The following SMC5 variants were observed in gnomAD, a reference collection of about 807,000 sequenced individuals.
The protein encoded by SMC5 is structural maintenance of chromosomes 5.
SMC5 carries 88 observed loss-of-function variants against 148.3 expected under a neutral mutation model. That is an observed-to-expected ratio of 0.59 (90% CI 0.50 to 0.71). SMC5 has a LOEUF of 0.71. SMC5 is among the 30% of genes least tolerant of loss of function. The pLI, the probability that SMC5 is intolerant of heterozygous loss-of-function variation, is 0.00. For synonymous variants in SMC5, 421 were observed against 432.8 expected (o/e 0.97, Z 0.34); for missense variants, 1,142 against 1,298.9 (o/e 0.88, Z 1.86).
intron 10 of SMC5, among the ~76,000 whole-genome samples, chr9:70,304,782 T>C (rs1013205050): frequency 6.7e-6 from 1 of 150,196 alleles, no homozygotes; most frequent in Admixed American, 6.6e-5. Context: ...TAGTTACAAA[T>C]AAGCCATAGC....
chr9:70,309,550 G>A (rs1279056401), intron 11 of SMC5, among the ~76,000 whole-genome samples: 1 of 151,864 alleles, frequency 6.6e-6, no homozygotes. Context: ...AGTGTTCCCA[G>A]CATCTTCACC....
chr9:70,279,817 C>CAAAAAAAAA (rs561567100), intron 5 of SMC5, among the ~76,000 whole-genome samples: 1 of 56,612 alleles, frequency 1.8e-5, no homozygotes, highest in Non-Finnish European at 3.7e-5. Context: ...AACTCCGTTT[C>CAAAAAAAAA]AAAAAAAAAA....
At position 70,341,135 on chromosome 9, in the gene SMC5, G is replaced by T. The variant is rs73647465; in HGVS notation, c.2398-3009G>T. Among the ~76,000 whole-genome samples, 1,251 of 152,154 alleles carry T rather than the reference G, an allele frequency of 8.2e-3. 17 individuals are homozygous for T. Among genetic ancestry groups the T allele is most frequent in the African/African-American group, 0.029 (1,206 of 41,506 alleles). The stretch of plus-strand genomic sequence containing the variant: ...CCCACTTCTACCCTTAAAAAGCTCA[G>T]CAAGAATTGTGGTTTTAAAAACAAA... On this transcript the variant is annotated intron_variant, in intron 17 of 24. Coordinates refer to ENST00000361138, the MANE Select transcript of SMC5 (RefSeq NM_015110.4).
intron 11 of SMC5, among the ~76,000 whole-genome samples, chr9:70,312,404 A>G (rs1419522079): frequency 2.6e-5 from 4 of 152,138 alleles, no homozygotes; most frequent in Admixed American, 2.6e-4. Flanking sequence ...ACCTCCCACC[A>G]GGTCCCTCCC....
At position 70,329,760 on chromosome 9, in the gene SMC5, A is replaced by C. The variant is rs984686022; in HGVS notation, c.2397+5617A>C. The stretch of plus-strand genomic sequence containing the variant: ...GCAATGCCCCCACTTCTCTTGTATC[A>C]ATTTTCTGTATTAGTACATTCTCAC... On this transcript the variant is annotated intron_variant, in intron 17 of 24. Coordinates refer to ENST00000361138, the MANE Select transcript of SMC5 (RefSeq NM_015110.4). Among the ~76,000 whole-genome samples the C allele has an allele frequency of 3.9e-5, 6 of 152,252 alleles. No individual in the cohort carries two copies. The East Asian group carries it at 1.2e-3, about 29-fold the overall frequency.
In SMC5 at chr9:70,315,584, A is replaced by G. The variant is rs372573632; in HGVS notation, c.1806+6A>G. 2.8e-5 allele frequency: 44 copies of G among 1,562,718 alleles called. No homozygotes were observed. In the African/African-American group the frequency reaches 5.1e-4, roughly 18 times the overall value. On this transcript the variant is annotated splice_donor_region_variant and intron_variant, in intron 13 of 24. Coordinates refer to ENST00000361138, the MANE Select transcript of SMC5 (RefSeq NM_015110.4). Reference sequence around the variant, plus strand: ...CCAGAGAAAGAATTGAACGGGTAGGAAAGTAGTGAATCATGTACTGAATCA... The same window carrying G: ...CCAGAGAAAGAATTGAACGGGTAGGGAAGTAGTGAATCATGTACTGAATCA...
At chr9:70,336,943 C>T (rs1338566685) in intron 17 of SMC5, among the ~76,000 whole-genome samples, 4 of 152,012 alleles carry the variant, frequency 2.6e-5, no homozygotes, top group East Asian at 1.9e-4. Flanking sequence ...ACAATCATGG[C>T]GGAAGACAAG....
In SMC5 at chr9:70,280,866, A is replaced by C. The variant is rs369776321; in HGVS notation, c.786A>C (p.Leu262Phe). The C allele has an allele frequency of 1.1e-5, 18 of 1,613,996 alleles. No individual in the cohort carries two copies. The highest frequency in any genetic ancestry group is 3.3e-4 in the Middle Eastern group (2 of 6,058). Residue 262 changes from leucine to phenylalanine, a missense_variant, in exon 6 of 25, where the codon TTA becomes TTC. Leu to Phe is a conservative substitution (Grantham distance 22). This residue lies in a region of SMC5 where 9 missense variants were observed against 29.6 expected (regional missense o/e 0.30). Transcript: ENST00000361138. ...ATGAACGGAAGCGACATTTAGATTT[A>C]ATTGAGATGCTTGAAGCAAAAAGGC... ...RFYERKRHLD[L>F]IEMLEAKRPW...
chr9:70,343,188 T>A (rs2036570160), intron 17 of SMC5, among the ~76,000 whole-genome samples: 1 of 151,590 alleles, frequency 6.6e-6, no homozygotes, highest in African/African-American at 2.4e-5. Flanking sequence ...ATAATATTAC[T>A]GTGCAGTGTT....
At chr9:70,315,342 A>T in intron 12 of SMC5, 104 bp from the exon 13 acceptor site, 1 of 667,850 alleles carries the variant, frequency 1.5e-6, no homozygotes. Context: ...GTCATTGTTG[A>T]AATAATGTAT....
At chr9:70,314,505 T>G (rs1441971694) in intron 11 of SMC5, among the ~76,000 whole-genome samples, 1 of 151,988 alleles carries the variant, frequency 6.6e-6, no homozygotes, top group Non-Finnish European at 1.5e-5. Context: ...TTCCCAGACA[T>G]TCTGTTTCAC....
chr9:70,261,274 G>A (rs2034122926), intron 1 of SMC5, among the ~76,000 whole-genome samples: 1 of 152,168 alleles, frequency 6.6e-6, no homozygotes, highest in African/African-American at 2.4e-5. Context: ...AGGGAATGAC[G>A]TGTGTTCTGT....
intron 22 of SMC5, 68 bp from the exon 23 acceptor site, chr9:70,350,046 A>G: frequency 8.4e-7 from 1 of 1,186,980 alleles, no homozygotes; most frequent in East Asian, 2.5e-5. Context: ...AATTCAATCC[A>G]TTTTCAAATA....
chr9:70,344,448 A>G (rs976196943), intron 18 of SMC5, 179 bp downstream of exon 18: 9 of 262,578 alleles, frequency 3.4e-5, no homozygotes, highest in Non-Finnish European at 5.7e-5. Context: ...TAAGAGATCA[A>G]TGGTATTGGT....
rs754577867 is a variant in SMC5, at chr9:70,347,699, C to T, written c.2751C>T (p.Tyr917=). The T allele has an allele frequency of 2.6e-6, 4 of 1,559,022 alleles. No individual in the cohort carries two copies. Among genetic ancestry groups the T allele is most frequent in the African/African-American group, 2.8e-5 (2 of 71,946 alleles). ...LKGKKVELDQ[Y]RENISQVKER... ...GAAAGAAAGTTGAACTAGATCAATA[C>T]AGGGAAAACATTTCACAGGTAATTT... is the stretch of plus-strand genomic sequence containing the variant. Residue 917 remains tyrosine (Y), a synonymous_variant, in exon 21 of 25, where the codon TAC becomes TAT. Coordinates refer to ENST00000361138, the MANE Select transcript of SMC5 (RefSeq NM_015110.4).
chr9:70,280,997 C>T, intron 6 of SMC5, 98 bp downstream of exon 6: 1 of 1,360,416 alleles, frequency 7.4e-7, no homozygotes. Context: ...TTAGGTGCTT[C>T]TTTTTCATTT....
intron 17 of SMC5, among the ~76,000 whole-genome samples, chr9:70,326,781 T>C (rs777628234): frequency 3.9e-5 from 6 of 151,964 alleles, no homozygotes; most frequent in Non-Finnish European, 8.8e-5. Flanking sequence ...CATCTAACTT[T>C]GTTTTGAGTT....
rs374920124 is a variant in SMC5 at position 70,300,281 on chromosome 9, A to G, written c.1464+81A>G. The G allele has an allele frequency of 3.6e-4, 465 of 1,289,798 alleles. 4 individuals carry two copies. The South Asian group carries it at 6.3e-3, about 17-fold the overall frequency. 79.9% of individuals were successfully genotyped at this position (1,289,798 alleles called of 1,614,324 possible). On this transcript the variant is annotated intron_variant, in intron 10 of 24. Transcript: ENST00000361138. ...TTTGTTTTAAGACATTTTAGTCCCA[A>G]TATTACCCTGGTTTTACATTATCAG...
chr9:70,289,030 T>G (rs1355028190), intron 8 of SMC5, among the ~76,000 whole-genome samples: 2 of 151,834 alleles, frequency 1.3e-5, no homozygotes, highest in South Asian at 2.1e-4. Flanking sequence ...TGATTTAGTT[T>G]TTGTTGTTGT....
Sources: allele counts gnomAD v4.1 joint callset (sites outside exome capture counted in the v4.1 genomes callset), GRCh38; gene constraint gnomAD v4.1.1; regional missense constraint gnomAD v4.1.1; transcripts MANE v1.5; gene names NCBI Gene and HGNC (gene_info 2026-07-23, HGNC 2026-07-21).